ZNF469: variants seen among roughly 807,000 people sequenced by gnomAD.
The protein encoded by ZNF469 is zinc finger protein 469.
ZNF469 carries 1 observed loss-of-function variant against 1.0 expected under a neutral mutation model. The observed-to-expected ratio is 1.00, with a 90% confidence interval of 0.35 to 4.73. The LOEUF (loss-of-function observed/expected upper bound fraction) is 4.73. ZNF469 is among the 30% of genes most tolerant of loss of function. ZNF469 has a pLI of 0.16. For synonymous variants in ZNF469, 2,703 were observed against 2,363.4 expected (o/e 1.14, Z -4.17); for missense variants, 6,100 against 5,356.3 (o/e 1.14, Z -4.33).
intron 1 of ZNF469, among the ~76,000 whole-genome samples, chr16:88,404,332 A>G (rs1904967179): frequency 6.6e-6 from 1 of 152,218 alleles, no homozygotes; most frequent in Admixed American, 6.5e-5. Context: ...AGCCACAGCC[A>G]GGCCTTGAGA....
At chr16:88,105,193 A>G in the ZNF469 span, among the ~76,000 whole-genome samples, 1 of 152,194 alleles carries the variant, frequency 6.6e-6, no homozygotes, top group Non-Finnish European at 1.5e-5. Context: ...ACTGCACTCC[A>G]GCTGGGGCAA....
chr16:88,419,130 C>A (rs1488650843), intron 1 of ZNF469, among the ~76,000 whole-genome samples: 2 of 152,246 alleles, frequency 1.3e-5, no homozygotes, highest in Non-Finnish European at 2.9e-5. Context: ...CCGGAGGCTG[C>A]TGCCCAGCGG....
chr16:88,387,087 A>C (rs113245378), intron 1 of ZNF469, among the ~76,000 whole-genome samples: 1 of 151,904 alleles, frequency 6.6e-6, no homozygotes, highest in Non-Finnish European at 1.5e-5. Context: ...GGCCTCCCCA[A>C]CCTCCAAGAC....
chr16:88,237,796 C>A, the ZNF469 span, among the ~76,000 whole-genome samples: 28 of 99,786 alleles, frequency 2.8e-4, 1 homozygote, highest in African/African-American at 1.2e-3. Context: ...TCCTTGCTCC[C>A]GCCACTCACC....
the ZNF469 span, among the ~76,000 whole-genome samples, chr16:88,262,099 G>T: frequency 6.6e-6 from 1 of 152,162 alleles, no homozygotes; most frequent in Admixed American, 6.5e-5. This position sits in a 1 kb window ranked among gnomAD's most constrained non-coding sequence, Gnocchi z 4.3. Flanking sequence ...CTGCACCGAC[G>T]TTTCCACCTC....
the ZNF469 span, among the ~76,000 whole-genome samples, chr16:88,272,061 G>A: frequency 6.6e-6 from 1 of 151,968 alleles, no homozygotes; most frequent in Non-Finnish European, 1.5e-5. Context: ...ATAAATAGGT[G>A]GGTAGATGGA....
At chr16:88,326,529 C>A in the ZNF469 span, among the ~76,000 whole-genome samples, 1 of 152,196 alleles carries the variant, frequency 6.6e-6, no homozygotes, top group Non-Finnish European at 1.5e-5. Context: ...ACATCCAGAA[C>A]CACTTTATTA....
the ZNF469 span, among the ~76,000 whole-genome samples, chr16:88,214,020 G>A: frequency 1.3e-5 from 2 of 152,146 alleles, no homozygotes; most frequent in Non-Finnish European, 2.9e-5. Context: ...GATTTTTAGA[G>A]GATGTTTGGA....
chr16:88,333,169 G>A, the ZNF469 span, among the ~76,000 whole-genome samples: 1 of 152,156 alleles, frequency 6.6e-6, no homozygotes, highest in Non-Finnish European at 1.5e-5. Flanking sequence ...CCGTCCATCC[G>A]TGAGTCCCCT....
chr16:88,436,103 A>G lies in ZNF469; in HGVS notation c.8633A>G (p.Tyr2878Cys). Residue 2878 changes from tyrosine to cysteine, a missense_variant, in exon 3 of 3, where the codon TAC becomes TGC. Tyr to Cys is a radical substitution (Grantham distance 194). Coordinates refer to ENST00000565624, the MANE Select transcript of ZNF469 (RefSeq NM_001367624.2). The stretch of plus-strand genomic sequence containing the variant: ...ACTAGAAAGAGGAACCCGCATGTCT[A>G]CGGGAAGCGCTGTGAGAAGCCGGTG... ...RLTRKRNPHV[Y>C]GKRCEKPVLP... 1 of 1,549,220 alleles carries G rather than the reference A, an allele frequency of 6.5e-7. No homozygotes were observed. The highest frequency in any genetic ancestry group is 8.7e-7 in the Non-Finnish European group (1 of 1,146,962).
chr16:88,346,300 G>A, the ZNF469 span, among the ~76,000 whole-genome samples: 4 of 152,236 alleles, frequency 2.6e-5, no homozygotes, highest in East Asian at 3.9e-4. Flanking sequence ...TGCTGACCAC[G>A]AGGCCCTGCG....
rs777126253 is a variant in ZNF469, at chr16:88,439,001, C to T, written c.11531C>T (p.Pro3844Leu). 2.6e-6 allele frequency: 4 copies of T among 1,550,302 alleles called. No homozygotes were observed. The highest frequency in any genetic ancestry group is 2.7e-5 in the African/African-American group (2 of 73,052). ...FGRAPSAPDK[P>L]PRTPRKQATP... ...AGAGCCCCCTCAGCCCCTGACAAGCCCCCCCGGACCCCTCGGAAGCAGGCA... is the reference window on the plus strand; with the variant it reads ...AGAGCCCCCTCAGCCCCTGACAAGCTCCCCCGGACCCCTCGGAAGCAGGCA... The change falls in exon 3 of 3, where the codon CCC becomes CTC. Residue 3844 changes from proline (P) to leucine (L), a missense_variant. Physicochemically the swap from Pro to Leu is moderately conservative, Grantham distance 98 (BLOSUM62 -3). Transcript: ENST00000565624.
intron 1 of ZNF469, among the ~76,000 whole-genome samples, chr16:88,399,430 T>G (rs1735627933): frequency 6.6e-6 from 1 of 152,100 alleles, no homozygotes; most frequent in South Asian, 2.1e-4. Context: ...GTGTTGGAAT[T>G]TAAACTGGGC....
the ZNF469 span, among the ~76,000 whole-genome samples, chr16:88,290,261 C>A: frequency 2.6e-5 from 4 of 152,258 alleles, no homozygotes; most frequent in African/African-American, 4.8e-5. Flanking sequence ...AGATGAAAGG[C>A]AAAATTTCCG....
At chr16:88,134,023 C>T in the ZNF469 span, among the ~76,000 whole-genome samples, 16 of 152,258 alleles carry the variant, frequency 1.1e-4, no homozygotes, top group East Asian at 3.9e-4. Flanking sequence ...AGAACCCCCC[C>T]GGAGGTGGAG....
the ZNF469 span, among the ~76,000 whole-genome samples, chr16:88,125,907 G>A: frequency 7.0e-4 from 107 of 152,160 alleles, no homozygotes; most frequent in African/African-American, 1.4e-3. Context: ...AAAAAGTTCC[G>A]GTTGGGCGCA....
chr16:88,295,925 C>A, the ZNF469 span, among the ~76,000 whole-genome samples: 1 of 152,202 alleles, frequency 6.6e-6, no homozygotes, highest in Admixed American at 6.5e-5. Context: ...AGGCAGCTGG[C>A]ACCTCTGCCC....
rs549710458 is a variant in ZNF469, at chr16:88,401,620, T to A, written c.-192+18366T>A. On this transcript the variant is annotated intron_variant, in intron 1 of 2. Coordinates refer to ENST00000565624, the MANE Select transcript of ZNF469 (RefSeq NM_001367624.2). ...ATGGATGGATAGTTGGGTGAGTGGA[T>A]GGATGGATGGATGGATGGATGGATA... 4.7e-5 allele frequency among the ~76,000 whole-genome samples: 4 copies of A among 84,732 alleles called. No homozygotes were observed. In the East Asian group the frequency reaches 1.2e-3, roughly 24 times the overall value. 55.6% of individuals were successfully genotyped at this position (84,732 alleles called of 152,430 possible). A position where few individuals can be genotyped will look rare whatever the true frequency, so the allele number is the denominator to read the frequency against.
the ZNF469 span, among the ~76,000 whole-genome samples, chr16:88,306,291 G>A: frequency 6.6e-5 from 10 of 152,378 alleles, no homozygotes; most frequent in East Asian, 5.8e-4. Context: ...GGTGCTGTCC[G>A]CATCTCCTTG....
Sources: gnomAD v4.1 joint callset for allele counts (sites outside exome capture counted in the v4.1 genomes callset) on GRCh38, gnomAD v4.1.1 for gene constraint, Gnocchi (gnomAD v3.1) non-coding constraint, MANE v1.5 for transcripts, NCBI Gene and HGNC (gene_info 2026-07-23, HGNC 2026-07-21) for gene names.